The following CSMD3 variants were observed in gnomAD, a reference collection of about 807,000 sequenced individuals.
CSMD3 encodes CUB and Sushi multiple domains 3, also known as CUB and sushi domain-containing protein 3.
Under a neutral mutation model 435.2 loss-of-function variants are expected in CSMD3, and 177 were observed. The observed-to-expected ratio is 0.41, with a 90% confidence interval of 0.36 to 0.46. CSMD3 has a LOEUF of 0.46. Among genes scored for constraint, CSMD3 ranks in the 20% least tolerant of loss-of-function variants. CSMD3 has a pLI of 0.34. For missense variants in CSMD3, 4,265 were observed against 4,504.6 expected (o/e 0.95, Z 1.52); for synonymous variants, 1,656 against 1,520.5 (o/e 1.09, Z -2.07).
chr8:113,161,160 T>C (rs2092031462), intron 4 of CSMD3, among the ~76,000 whole-genome samples: 1 of 152,130 alleles, frequency 6.6e-6, no homozygotes, highest in African/African-American at 2.4e-5. Context: ...TCCGGATTTA[T>C]CTAAGTCAGT....
At chr8:112,664,381 T>C (rs1165873885) in intron 17 of CSMD3, among the ~76,000 whole-genome samples, 1 of 152,132 alleles carries the variant, frequency 6.6e-6, no homozygotes, top group Non-Finnish European at 1.5e-5. Context: ...TAGTTCAACA[T>C]TCATGGAAAA....
chr8:113,121,774 T>C (rs1435463762), intron 4 of CSMD3, among the ~76,000 whole-genome samples: 1 of 152,134 alleles, frequency 6.6e-6, no homozygotes, highest in Non-Finnish European at 1.5e-5. Flanking sequence ...TACAGTTCTT[T>C]ATATATTGTT....
intron 10 of CSMD3, among the ~76,000 whole-genome samples, chr8:112,898,564 T>C (rs569581769): frequency 6.6e-6 from 1 of 151,320 alleles, no homozygotes; most frequent in Admixed American, 6.6e-5. Context: ...GCAATAACAA[T>C]AAAATGTATA....
rs2131226237 is a variant in CSMD3 at position 112,556,928 on chromosome 8, G to A, written c.4069C>T (p.Pro1357Ser). ...TSFELSHCEDPGIPQFGYKIS... is the reference protein window; with the variant it reads ...TSFELSHCEDSGIPQFGYKIS... Reference sequence around the variant, plus strand: ...TTGTATCCAAATTGTGGAATGCCAGGATCTTCACAGTGTGAGAGTTCAAAA... The same window carrying A: ...TTGTATCCAAATTGTGGAATGCCAGAATCTTCACAGTGTGAGAGTTCAAAA... Residue 1357 changes from proline (P) to serine (S), a missense_variant, in exon 25 of 71, where the codon CCT becomes TCT. Transcript: ENST00000297405. 1 of 1,611,856 alleles carries A rather than the reference G, an allele frequency of 6.2e-7. No individual in the cohort carries two copies. Among genetic ancestry groups the A allele is most frequent in the Non-Finnish European group, 8.5e-7 (1 of 1,178,548 alleles).
intron 20 of CSMD3, among the ~76,000 whole-genome samples, chr8:112,641,874 C>A (rs2074839061): frequency 6.6e-6 from 1 of 151,888 alleles, no homozygotes; most frequent in Non-Finnish European, 1.5e-5. Context: ...AAAGCAATGA[C>A]CTCCTAAATC....
chr8:113,378,306 G>T (rs1340556838), intron 1 of CSMD3, among the ~76,000 whole-genome samples: 1 of 152,178 alleles, frequency 6.6e-6, no homozygotes, highest in Non-Finnish European at 1.5e-5. Context: ...TGCCTCCTCA[G>T]TGTCAGTCCT....
At chr8:112,671,049 C>T (rs73700769) in intron 16 of CSMD3, among the ~76,000 whole-genome samples, 25,807 of 152,064 alleles carry the variant, frequency 0.17, 2,352 homozygotes, top group Middle Eastern at 0.32. Flanking sequence ...GTCTTCCTCT[C>T]ACCTAAGTGT....
chr8:112,548,742 GT>G (rs1433733714), intron 27 of CSMD3, among the ~76,000 whole-genome samples: 1 of 152,012 alleles, frequency 6.6e-6, no homozygotes, highest in Non-Finnish European at 1.5e-5. Flanking sequence ...GTAAGCACAT[GT>G]TTTAGAAAAG....
chr8:113,088,643 AGGTGGGAAT>A (rs2089892108), intron 5 of CSMD3, among the ~76,000 whole-genome samples: 1 of 145,786 alleles, frequency 6.9e-6, no homozygotes, highest in African/African-American at 2.5e-5. Flanking sequence ...TCTCACTCAT[AGGTGGGAAT>A]TGAACAATGA....
intron 7 of CSMD3, among the ~76,000 whole-genome samples, chr8:112,961,020 C>G (rs760891489): frequency 6.6e-6 from 1 of 151,658 alleles, no homozygotes; most frequent in Non-Finnish European, 1.5e-5. Context: ...GTATGTGATG[C>G]TCAATTTTTA....
chr8:112,895,098 C>T (rs567588458), intron 10 of CSMD3, among the ~76,000 whole-genome samples: 7 of 151,462 alleles, frequency 4.6e-5, no homozygotes, highest in African/African-American at 1.4e-4. Context: ...ATGCTTACTG[C>T]CTTTCACTCC....
chr8:112,249,243 AG>A lies in CSMD3; in HGVS notation c.10111-2113del, dbSNP rs144890105. Among the ~76,000 whole-genome samples the A allele has an allele frequency of 2.9e-3, 445 of 152,120 alleles. 8 individuals are homozygous for A. Among genetic ancestry groups the A allele is most frequent in the Admixed American group, 0.023 (343 of 15,238 alleles). Reference sequence around the variant, plus strand: ...ATTTTACCTTCTAAATCCTTTTCAAAGTATCGTCTTCCTTTTTTCTCCAGTT... The same window carrying A: ...ATTTTACCTTCTAAATCCTTTTCAAATATCGTCTTCCTTTTTTCTCCAGTT... On this transcript the variant is annotated intron_variant, in intron 63 of 70. Coordinates refer to ENST00000297405, the MANE Select transcript of CSMD3 (RefSeq NM_198123.2).
At chr8:112,958,153 C>A (rs568578878) in intron 7 of CSMD3, among the ~76,000 whole-genome samples, 1 of 152,006 alleles carries the variant, frequency 6.6e-6, no homozygotes, top group African/African-American at 2.4e-5. Flanking sequence ...AAAATGAACA[C>A]CCAAGATGAA....
chr8:112,361,611 A>G (rs1341005649), intron 38 of CSMD3, among the ~76,000 whole-genome samples: 2 of 100,578 alleles, frequency 2.0e-5, no homozygotes, highest in South Asian at 3.2e-4. Context: ...ATATATATAT[A>G]TATATATATG....
chr8:112,753,011 G>A (rs2077609725), intron 13 of CSMD3, among the ~76,000 whole-genome samples: 2 of 151,608 alleles, frequency 1.3e-5, no homozygotes, highest in African/African-American at 2.4e-5. Context: ...CTGTAACCTT[G>A]AACTTCTGGG....
At chr8:113,408,455 A>C (rs2094542870) in intron 1 of CSMD3, among the ~76,000 whole-genome samples, 1 of 152,200 alleles carries the variant, frequency 6.6e-6, no homozygotes, top group Admixed American at 6.5e-5. Flanking sequence ...AAACAAAAAG[A>C]GACTAAGGAC....
In CSMD3 at chr8:113,173,814, G is replaced by GTTA. The variant is rs2092306952; in HGVS notation, c.614_616dup (p.Val205_Thr206insIle). ...AGGGTGGCCATCAAGGATGTATCCA[G>GTTA]TTACACAGCTGTAGCGGATCTTGTC... On this transcript the variant is annotated inframe_insertion, in exon 4 of 71. Transcript: ENST00000297405. The GTTA allele has an allele frequency of 6.2e-7, 1 of 1,613,584 alleles. No homozygotes were observed.
intron 13 of CSMD3, among the ~76,000 whole-genome samples, chr8:112,741,036 A>T (rs2077293380): frequency 6.6e-6 from 1 of 151,896 alleles, no homozygotes; most frequent in Non-Finnish European, 1.5e-5. Context: ...AACTTTTCCC[A>T]GCAAGAGGTC....
intron 23 of CSMD3, among the ~76,000 whole-genome samples, chr8:112,583,997 T>G (rs1830526417): frequency 6.6e-6 from 1 of 151,844 alleles, no homozygotes; most frequent in Non-Finnish European, 1.5e-5. Flanking sequence ...TTATTAAAAT[T>G]ATTTATCCAC....
Sources: allele counts gnomAD v4.1 joint callset (sites outside exome capture counted in the v4.1 genomes callset), GRCh38; gene constraint gnomAD v4.1.1; transcripts MANE v1.5; gene names NCBI Gene and HGNC (gene_info 2026-07-23, HGNC 2026-07-21).